The following RC3H2 variants were observed in gnomAD, a reference collection of about 807,000 sequenced individuals.
RC3H2 encodes the protein roquin-2.
In RC3H2, 31 loss-of-function variants were observed where a neutral mutation model predicts 133.3. The observed-to-expected ratio is 0.23, with a 90% CI of 0.17 to 0.31. The LOEUF (loss-of-function observed/expected upper bound fraction) is 0.31, where lower values mean the gene tolerates loss of function less well. RC3H2 is among the 10% of genes least tolerant of loss of function. The pLI is 1.00. For missense variants in RC3H2, 1,175 were observed against 1,437.2 expected, an observed-to-expected ratio of 0.82 and a Z score of 2.95; for synonymous variants, 517 against 502.2, an observed-to-expected ratio of 1.03 and a Z score of -0.40.
intron 19 of RC3H2, 46 bp downstream of exon 19, chr9:122,851,277 T>C: frequency 1.2e-6 from 2 of 1,611,792 alleles, no homozygotes; most frequent in Non-Finnish European, 1.7e-6. Flanking sequence ...ATTTTATAAA[T>C]TTTCAATCAA....
intron 4 of RC3H2, chr9:122,890,061 G>C (rs1022972004): frequency 1.7e-6 from 1 of 592,928 alleles, no homozygotes; most frequent in African/African-American, 1.9e-5. Flanking sequence ...AGAATTGCTT[G>C]AGCATGGATG....
At chr9:122,850,281 G>A (rs1055238491) in intron 20 of RC3H2, among the ~76,000 whole-genome samples, 1 of 151,734 alleles carries the variant, frequency 6.6e-6, no homozygotes, top group African/African-American at 2.4e-5. Flanking sequence ...GGCTTGAAAA[G>A]TCCTGTTTTC....
At chr9:122,852,083 G>T (rs1340544083) in intron 18 of RC3H2, among the ~76,000 whole-genome samples, 1 of 150,948 alleles carries the variant, frequency 6.6e-6, no homozygotes, top group Non-Finnish European at 1.5e-5. Context: ...ATCACATCTA[G>T]GAAGTGAGGA....
Position 122,877,546 on chromosome 9 carries a change from C to A in RC3H2, c.1250G>T (p.Arg417Leu). Residue 417 changes from arginine (R) to leucine (L), a missense_variant, in exon 9 of 21, where the codon CGA becomes CTA. This residue lies in a region of RC3H2 where 131 missense variants were observed against 154.2 expected (regional missense o/e 0.85). Transcript: ENST00000357244. ...PNSKYKTSMCRDLRQQGGCPR... is the reference protein window; with the variant it reads ...PNSKYKTSMCLDLRQQGGCPR... ...ACAACCCCCTTGCTGTCGCAAATCT[C>A]GGCACATGCTAGTCTTGTATTTGCT... is the stretch of plus-strand genomic sequence containing the variant. 1 of 1,614,176 alleles carries A rather than the reference C, an allele frequency of 6.2e-7. No homozygotes were observed. Among genetic ancestry groups the A allele is most frequent in the Non-Finnish European group, 8.5e-7 (1 of 1,179,998 alleles).
chr9:122,888,303 T>C (rs889284932), intron 4 of RC3H2, among the ~76,000 whole-genome samples: 21 of 152,230 alleles, frequency 1.4e-4, no homozygotes, highest in South Asian at 6.2e-4. Flanking sequence ...GTTTTAGCTT[T>C]ATTTTTAGGT....
At chr9:122,855,076 G>A in intron 15 of RC3H2, 108 bp downstream of exon 15, 2 of 862,718 alleles carry the variant, frequency 2.3e-6, no homozygotes, top group South Asian at 3.5e-5. Context: ...TCACACCACT[G>A]CATTCCAGTC....
chr9:122,868,004 A>C, intron 9 of RC3H2, among the ~76,000 whole-genome samples: 1 of 88,164 alleles, frequency 1.1e-5, no homozygotes, highest in African/African-American at 4.5e-5. Context: ...GCCTCTGCCC[A>C]GCCACCCCTA....
At position 122,860,100 on chromosome 9, in the gene RC3H2, T is replaced by G; in HGVS notation, c.1666A>C (p.Ser556Arg). ...KIGSPPKTPV[S>R]NVAATSAGPS... ...CCAGCTGAGGTAGCTGCTACATTAC[T>G]TACAGGAGTCTTGGGTGGAGAACCA... The change falls in exon 11 of 21, where the codon AGT (serine) becomes CGT (arginine). Residue 556 changes from serine (S) to arginine (R), a missense_variant. Physicochemically the swap from Ser to Arg is moderately radical, Grantham distance 110. Around this residue, in one of 8 missense-constraint regions of RC3H2, gnomAD observed 490 missense variants for 492.8 expected, o/e 0.99. Coordinates refer to ENST00000357244, the MANE Select transcript of RC3H2 (RefSeq NM_001100588.3). 6.2e-7 allele frequency: 1 copy of G among 1,614,140 alleles called. No homozygotes were observed. The highest frequency in any genetic ancestry group is 1.3e-5 in the African/African-American group (1 of 75,060).
At chr9:122,869,343 T>C (rs191563512) in intron 9 of RC3H2, among the ~76,000 whole-genome samples, 18 of 152,294 alleles carry the variant, frequency 1.2e-4, no homozygotes, top group Non-Finnish European at 2.2e-4. Flanking sequence ...AAATATAAAG[T>C]GTTAGTAGTA....
In RC3H2 at chr9:122,848,936, G is replaced by A. The variant is rs1829924949; in HGVS notation, c.*691C>T. ...AATTAATTACTTCAACAAGTAGCCT[G>A]TGTATAAATATTAACAAAGCAGAAA... On this transcript the variant is annotated 3_prime_UTR_variant, in exon 21 of 21. Transcript: ENST00000357244. 6.6e-6 allele frequency: 1 copy of A among 152,034 alleles called. No homozygotes were observed. Among genetic ancestry groups the A allele is most frequent in the Non-Finnish European group, 1.5e-5 (1 of 68,000 alleles). The allele number at this position is 152,034 out of a possible 1,614,324, so 9.4% of individuals were successfully genotyped here.
intron 13 of RC3H2, among the ~76,000 whole-genome samples, chr9:122,856,354 G>A (rs1830247620): frequency 6.6e-6 from 1 of 152,224 alleles, no homozygotes; most frequent in South Asian, 2.1e-4. Context: ...CCAGGCTCAG[G>A]TGATTTTCCC....
rs545107492 is a variant in RC3H2 at position 122,848,917 on chromosome 9, T to G, written c.*710A>C. On this transcript the variant is annotated 3_prime_UTR_variant, in exon 21 of 21. Transcript: ENST00000357244. ...GGCACTTGGTTATATTTTTAATTAA[T>G]TACTTCAACAAGTAGCCTGTGTATA... 6.6e-6 allele frequency: 1 copy of G among 152,228 alleles called. No individual in the cohort carries two copies. Among genetic ancestry groups the G allele is most frequent in the South Asian group, 2.1e-4 (1 of 4,826 alleles). The allele number at this position is 152,228 out of a possible 1,614,324, so 9.4% of individuals were successfully genotyped here.
intron 5 of RC3H2, 130 bp downstream of exon 5, chr9:122,883,074 A>C: frequency 1.2e-6 from 1 of 805,380 alleles, no homozygotes. Flanking sequence ...CAATCAATGC[A>C]GAAGGAAAGT....
At chr9:122,872,496 C>G (rs1831142186) in intron 9 of RC3H2, among the ~76,000 whole-genome samples, 2 of 152,126 alleles carry the variant, frequency 1.3e-5, no homozygotes, top group Admixed American at 1.3e-4. Context: ...GAATAAAATC[C>G]AAATTCTTTG....
chr9:122,905,077 G>A, intron 1 of RC3H2, 33 bp downstream of exon 1: 1 of 985,072 alleles, frequency 1.0e-6, no homozygotes, highest in Non-Finnish European at 1.2e-6. Flanking sequence ...CCGGGCTGGG[G>A]CCCGAGCCGC....
intron 13 of RC3H2, among the ~76,000 whole-genome samples, chr9:122,857,454 T>C (rs903214172): frequency 1.3e-5 from 2 of 152,172 alleles, no homozygotes; most frequent in Admixed American, 1.3e-4. Flanking sequence ...AAGAAATACC[T>C]CAGACAGCCC....
chr9:122,858,725 A>G lies in RC3H2; in HGVS notation c.2227T>C (p.Tyr743His). Residue 743 changes from tyrosine (Y) to histidine (H), a missense_variant, in exon 12 of 21, where the codon TAT becomes CAT. By Grantham distance (83) the Tyr-to-His change is moderately conservative. This residue lies in a region of RC3H2 where 490 missense variants were observed against 492.8 expected (regional missense o/e 0.99). Coordinates refer to ENST00000357244, the MANE Select transcript of RC3H2 (RefSeq NM_001100588.3). ...CTTGGTGGCTGACAAGCCACCGAAT[A>G]ATATCCATCTAATGAGTTATATCTT... ...RERYNSLDGY[Y>H]SVACQPPSEP... is the part of the protein sequence containing the mutation. 1 of 1,613,984 alleles carries G rather than the reference A, an allele frequency of 6.2e-7. No individual in the cohort carries two copies. Among genetic ancestry groups the G allele is most frequent in the East Asian group, 2.2e-5 (1 of 44,892 alleles).
At position 122,858,723 on chromosome 9, in the gene RC3H2, A is replaced by G. The variant is rs767833942; in HGVS notation, c.2229T>C (p.Tyr743=). The change falls in exon 12 of 21, where the codon TAT becomes TAC. Residue 743 remains tyrosine (Y), a synonymous_variant. Transcript: ENST00000357244. ...RERYNSLDGY[Y]SVACQPPSEP... ...CACTTGGTGGCTGACAAGCCACCGAATAATATCCATCTAATGAGTTATATC... is the reference window on the plus strand; with the variant it reads ...CACTTGGTGGCTGACAAGCCACCGAGTAATATCCATCTAATGAGTTATATC... 1.1e-5 allele frequency: 17 copies of G among 1,613,818 alleles called. No homozygotes were observed. In the South Asian group the frequency reaches 1.4e-4, roughly 14 times the overall value.
chr9:122,887,417 C>T (rs1831963734), intron 4 of RC3H2, among the ~76,000 whole-genome samples: 2 of 152,058 alleles, frequency 1.3e-5, no homozygotes, highest in African/African-American at 4.8e-5. Flanking sequence ...CTCTGGGGGT[C>T]AACTGATCCT....
Sources: allele counts gnomAD v4.1 joint callset (sites outside exome capture counted in the v4.1 genomes callset), GRCh38; gene constraint gnomAD v4.1.1; regional missense constraint gnomAD v4.1.1; transcripts MANE v1.5; gene names NCBI Gene and HGNC (gene_info 2026-07-23, HGNC 2026-07-21).